The following RAB5C variants were observed in gnomAD, a reference collection of about 807,000 sequenced individuals.
RAB5C encodes RAB5C, member RAS oncogene family.
A neutral mutation model predicts 25.2 loss-of-function variants in RAB5C; 4 were observed. The ratio of observed to expected loss-of-function variants is 0.16; its 90% CI spans 0.08 to 0.36. The LOEUF is 0.36. RAB5C is among the 10% of genes least tolerant of loss of function. RAB5C has a pLI of 1.00. For synonymous variants in RAB5C, 100 were observed against 106.4 expected (o/e 0.94, Z 0.37); for missense variants, 199 against 283.8 (o/e 0.70, Z 2.15).
At chr17:42,139,356 G>A (rs903287747) in intron 1 of RAB5C, among the ~76,000 whole-genome samples, 7 of 152,224 alleles carry the variant, frequency 4.6e-5, no homozygotes, top group African/African-American at 1.2e-4. Flanking sequence ...CCAGCCTACC[G>A]ATTCCAAAAG....
chr17:42,139,969 G>T (rs1050269703), intron 1 of RAB5C, among the ~76,000 whole-genome samples: 1 of 152,174 alleles, frequency 6.6e-6, no homozygotes, highest in African/African-American at 2.4e-5. Flanking sequence ...TATTTCATTT[G>T]TTCAGGCAGT....
intron 1 of RAB5C, among the ~76,000 whole-genome samples, chr17:42,143,396 G>A (rs1205600043): frequency 6.6e-6 from 1 of 152,178 alleles, no homozygotes; most frequent in Non-Finnish European, 1.5e-5. Flanking sequence ...TAGCACTTTG[G>A]AAGGCTGAGG....
intron 1 of RAB5C, chr17:42,131,463 T>A: frequency 1.4e-6 from 1 of 726,008 alleles, no homozygotes. Flanking sequence ...CAAAAACACA[T>A]GCCAACACAC....
intron 1 of RAB5C, among the ~76,000 whole-genome samples, chr17:42,144,925 CAAAAAAAAAAAAAAAAAAA>C (rs544870361): frequency 1.3e-4 from 4 of 31,072 alleles, no homozygotes; most frequent in Non-Finnish European, 2.6e-4. Context: ...GACTCCGTCT[CAAAAAAAAAAAAAAAAAAA>C]AAAAAAAAAA....
At chr17:42,154,050 C>T (rs1439555847) in intron 1 of RAB5C, among the ~76,000 whole-genome samples, 2 of 152,136 alleles carry the variant, frequency 1.3e-5, no homozygotes, top group African/African-American at 2.4e-5. Context: ...TATAGACACA[C>T]GGACAGCAGT....
intron 4 of RAB5C, among the ~76,000 whole-genome samples, chr17:42,127,725 C>T (rs2054441169): frequency 6.6e-6 from 1 of 151,322 alleles, no homozygotes; most frequent in Admixed American, 6.6e-5. Flanking sequence ...CATGGGGTTT[C>T]GCCACATTGC....
chr17:42,128,578 GCTCTGATAACCCAAT>G, intron 3 of RAB5C, 56 bp downstream of exon 3: 1 of 1,406,882 alleles, frequency 7.1e-7, no homozygotes, highest in Non-Finnish European at 9.4e-7. Context: ...TGAAATCAGG[GCTCTGATAACCCAAT>G]CCCTGGGACT....
chr17:42,146,983 A>C (rs2079639009), intron 1 of RAB5C, among the ~76,000 whole-genome samples: 1 of 151,552 alleles, frequency 6.6e-6, no homozygotes, highest in Admixed American at 6.6e-5. Context: ...CTGGGCGACA[A>C]GGCAAGACTT....
At chr17:42,152,779 CAAAA>C (rs142043898) in intron 1 of RAB5C, among the ~76,000 whole-genome samples, 1 of 117,902 alleles carries the variant, frequency 8.5e-6, no homozygotes. Context: ...GCTCTGTCTC[CAAAA>C]AAAAAAAAAA....
At chr17:42,149,876 GTTTTT>G (rs925280473) in intron 1 of RAB5C, among the ~76,000 whole-genome samples, 2 of 121,186 alleles carry the variant, frequency 1.7e-5, no homozygotes, top group South Asian at 5.7e-4. Flanking sequence ...GCCCAGGCTG[GTTTTT>G]TTTTTTTTTT....
chr17:42,138,879 T>C (rs2054563709), intron 1 of RAB5C, among the ~76,000 whole-genome samples: 1 of 152,214 alleles, frequency 6.6e-6, no homozygotes, highest in Non-Finnish European at 1.5e-5. Flanking sequence ...CCTGCAGCCC[T>C]TTCCCTTGTG....
intron 4 of RAB5C, among the ~76,000 whole-genome samples, chr17:42,127,985 A>G (rs747218526): frequency 4.6e-5 from 7 of 151,524 alleles, no homozygotes; most frequent in Non-Finnish European, 1.0e-4. Context: ...AAGCCCAGCT[A>G]ATTTTTAAAT....
chr17:42,134,462 A>C lies in RAB5C; in HGVS notation c.-88-3872T>G, dbSNP rs1231861865. 2.0e-5 allele frequency among the ~76,000 whole-genome samples: 3 copies of C among 152,200 alleles called. No homozygotes were observed. The East Asian group carries it at 5.8e-4, about 29-fold the overall frequency. On this transcript the variant is annotated intron_variant, in intron 1 of 5. Transcript: ENST00000346213. ...CGTGGTGGTACACGCCTGTAATCCC[A>C]GCTACTTGGGAGGCTGAGGCACAAG...
intron 1 of RAB5C, among the ~76,000 whole-genome samples, chr17:42,144,574 G>C (rs931316247): frequency 1.3e-5 from 2 of 152,138 alleles, no homozygotes; most frequent in Admixed American, 1.3e-4. Flanking sequence ...AGCACCTTGG[G>C]AGGCCGAAAC....
chr17:42,145,090 G>A (rs558292460), intron 1 of RAB5C, among the ~76,000 whole-genome samples: 5 of 151,374 alleles, frequency 3.3e-5, no homozygotes, highest in African/African-American at 1.2e-4. Context: ...GGAGAAAGGC[G>A]TGAACCCGGG....
intron 1 of RAB5C, among the ~76,000 whole-genome samples, chr17:42,145,769 C>A (rs2079631635): frequency 6.6e-6 from 1 of 152,162 alleles, no homozygotes; most frequent in African/African-American, 2.4e-5. Context: ...GAGAAAAATA[C>A]TGGACAAATC....
chr17:42,139,153 G>A (rs1291505307), intron 1 of RAB5C, among the ~76,000 whole-genome samples: 1 of 152,234 alleles, frequency 6.6e-6, no homozygotes, highest in Non-Finnish European at 1.5e-5. Context: ...TGGGGTGGGA[G>A]GACATCTCCA....
chr17:42,150,544 C>CAAAAAAAAA (rs759878778), intron 1 of RAB5C, among the ~76,000 whole-genome samples: 3 of 19,382 alleles, frequency 1.5e-4, no homozygotes, highest in African/African-American at 7.1e-4. Flanking sequence ...AACTCCATCT[C>CAAAAAAAAA]AAAAAAAAAA....
At chr17:42,135,778 T>C (rs2054530615) in intron 1 of RAB5C, among the ~76,000 whole-genome samples, 1 of 152,222 alleles carries the variant, frequency 6.6e-6, no homozygotes, top group Non-Finnish European at 1.5e-5. Flanking sequence ...TTGTCCTTCC[T>C]GGTAAAAGGG....
Sources: gnomAD v4.1 joint callset for allele counts (sites outside exome capture counted in the v4.1 genomes callset) on GRCh38, gnomAD v4.1.1 for gene constraint, MANE v1.5 for transcripts, NCBI Gene and HGNC (gene_info 2026-07-23, HGNC 2026-07-21) for gene names.